TICRR: variants seen among roughly 807,000 people sequenced by gnomAD.
TICRR encodes TOPBP1 interacting checkpoint and replication regulator.
A neutral mutation model predicts 178.1 loss-of-function variants in TICRR; 132 were observed. The ratio of observed to expected loss-of-function variants is 0.74; its 90% confidence interval spans 0.64 to 0.86. TICRR has a LOEUF of 0.86. TICRR is among the 40% of genes least tolerant of loss of function. The pLI is 0.00. For missense variants in TICRR, 2,587 were observed against 2,334.3 expected, an observed-to-expected ratio of 1.11 and a Z score of -2.23; for synonymous variants, 991 against 900.7, an observed-to-expected ratio of 1.10 and a Z score of -1.79.
intron 14 of TICRR, among the ~76,000 whole-genome samples, chr15:89,607,880 C>T (rs1195047747): frequency 6.6e-6 from 1 of 151,972 alleles, no homozygotes; most frequent in East Asian, 1.9e-4. Context: ...TTTTTTCTAA[C>T]TTTGAGTCTA....
chr15:89,595,279 G>A, intron 6 of TICRR, 114 bp from the exon 7 acceptor site: 2 of 738,902 alleles, frequency 2.7e-6, no homozygotes, highest in Admixed American at 5.0e-5. Flanking sequence ...AAATCATTCT[G>A]GAGGGATATG....
chr15:89,577,055 G>A (rs1044443522), intron 1 of TICRR, among the ~76,000 whole-genome samples: 5 of 151,798 alleles, frequency 3.3e-5, no homozygotes, highest in Admixed American at 3.3e-4. Flanking sequence ...CACCATGCCT[G>A]GCTAATTTTT....
chr15:89,589,077 G>C (rs1323838488), intron 4 of TICRR, among the ~76,000 whole-genome samples: 1 of 152,132 alleles, frequency 6.6e-6, no homozygotes, highest in Non-Finnish European at 1.5e-5. Flanking sequence ...AGGGGATTTT[G>C]CTGATGAGGG....
intron 13 of TICRR, 133 bp from the exon 14 acceptor site, chr15:89,606,635 G>A (rs1963179304): frequency 2.7e-6 from 2 of 735,930 alleles, no homozygotes; most frequent in African/African-American, 3.6e-5. Flanking sequence ...CATTTCTGTT[G>A]TACATTTTAT....
At position 89,625,931 on chromosome 15, in the gene TICRR, T is replaced by C; in HGVS notation, c.5477-5T>C. 1 of 1,567,592 alleles carries C rather than the reference T, an allele frequency of 6.4e-7. No homozygotes were observed. Among genetic ancestry groups the C allele is most frequent in the Non-Finnish European group, 8.6e-7 (1 of 1,161,616 alleles). ...CGCTGCTCTTACTATGTGGGATCTC[T>C]TTAGGCTCCACCCCACCTCCCAGCT... is the stretch of plus-strand genomic sequence containing the variant. On this transcript the variant is annotated splice_polypyrimidine_tract_variant and splice_region_variant and intron_variant, in intron 20 of 21. Coordinates refer to ENST00000268138, the MANE Select transcript of TICRR (RefSeq NM_152259.4).
intron 17 of TICRR, among the ~76,000 whole-genome samples, chr15:89,619,263 T>A (rs1963385482): frequency 6.7e-6 from 1 of 149,170 alleles, no homozygotes; most frequent in Admixed American, 6.7e-5. Flanking sequence ...TCTTGCTCTG[T>A]CGCCCAGGCT....
At chr15:89,615,550 T>C (rs1313598782) in intron 15 of TICRR, among the ~76,000 whole-genome samples, 3 of 152,192 alleles carry the variant, frequency 2.0e-5, no homozygotes, top group South Asian at 2.1e-4. Flanking sequence ...CTGGAAAAGA[T>C]TTTTGACCAT....
At position 89,600,513 on chromosome 15, in the gene TICRR, G is replaced by T. The variant is rs756156763; in HGVS notation, c.2053-72G>T. 2.8e-5 allele frequency: 18 copies of T among 648,280 alleles called. No homozygotes were observed. The South Asian group carries it at 4.9e-4, about 18-fold the overall frequency. 40.2% of individuals were successfully genotyped at this position (648,280 alleles called of 1,614,324 possible). ...TTATAAGGGAATATATTTCCCTTTA[G>T]TCAACTGTGAAAGAAATTAGAAATA... is the stretch of plus-strand genomic sequence containing the variant. On this transcript the variant is annotated intron_variant, in intron 8 of 21. Coordinates refer to ENST00000268138, the MANE Select transcript of TICRR (RefSeq NM_152259.4).
chr15:89,576,529 A>G (rs953896757), intron 1 of TICRR, among the ~76,000 whole-genome samples: 1 of 152,012 alleles, frequency 6.6e-6, no homozygotes, highest in Non-Finnish European at 1.5e-5. Flanking sequence ...CAGAAAATCA[A>G]CAGGTCTGGA....
chr15:89,626,929 A>C lies in TICRR; in HGVS notation c.5603-27A>C, dbSNP rs191684922. On this transcript the variant is annotated intron_variant, in intron 21 of 21. Coordinates refer to ENST00000268138, the MANE Select transcript of TICRR (RefSeq NM_152259.4). ...CAGTTCGGTCCTCTGTGACTCCTGC[A>C]TGCTAAGCCTTTCTACCTTCTTCTA... 1.9e-6 allele frequency: 3 copies of C among 1,609,458 alleles called. No individual in the cohort carries two copies. In the East Asian group the frequency reaches 6.7e-5, roughly 36 times the overall value.
chr15:89,618,322 GCT>G lies in TICRR; in HGVS notation c.3019+115_3019+116del, dbSNP rs1963368370. ...AAGATATTTTACAGAAATTGTGATG[GCT>G]CTGAGTCCACAATGCAGCTCAGTAA... On this transcript the variant is annotated intron_variant, in intron 17 of 21. Transcript: ENST00000268138. 7.4e-6 allele frequency: 7 copies of G among 946,860 alleles called. No individual in the cohort carries two copies. The African/African-American group carries it at 1.1e-4, about 15-fold the overall frequency. 58.7% of individuals were successfully genotyped at this position (946,860 alleles called of 1,614,324 possible).
chr15:89,575,744 A>G lies in TICRR; in HGVS notation c.158A>G (p.Gln53Arg). 1 of 1,609,840 alleles carries G rather than the reference A, an allele frequency of 6.2e-7. No individual in the cohort carries two copies. The highest frequency in any genetic ancestry group is 8.5e-7 in the Non-Finnish European group (1 of 1,178,978). The change falls in exon 1 of 22, where the codon CAG (glutamine) becomes CGG (arginine). Residue 53 changes from glutamine (Q) to arginine (R), a missense_variant. Transcript: ENST00000268138. ...TGGGCCTTCAAGTTCTTTGACTCGCAGGGGGCGCGGAGCCGGCCGTCCCGC... is the reference window on the plus strand; with the variant it reads ...TGGGCCTTCAAGTTCTTTGACTCGCGGGGGGCGCGGAGCCGGCCGTCCCGC... ...VHWAFKFFDS[Q>R]GARSRPSRVS...
At chr15:89,603,673 C>T (rs764818692) in intron 13 of TICRR, among the ~76,000 whole-genome samples, 4 of 152,110 alleles carry the variant, frequency 2.6e-5, no homozygotes, top group Non-Finnish European at 5.9e-5. Context: ...GTGGAGTAGT[C>T]GCCCCTTATC....
intron 15 of TICRR, among the ~76,000 whole-genome samples, chr15:89,614,990 A>C (rs1029747126): frequency 1.3e-5 from 2 of 152,198 alleles, no homozygotes; most frequent in Non-Finnish European, 2.9e-5. Context: ...TCTCAAGTCT[A>C]TCCTCGGCAC....
intron 14 of TICRR, among the ~76,000 whole-genome samples, chr15:89,607,177 GA>G (rs1269328257): frequency 1.3e-5 from 2 of 151,938 alleles, no homozygotes; most frequent in Admixed American, 1.3e-4. Context: ...TAAATTTAGG[GA>G]AAAAAATACT....
chr15:89,624,813 G>C lies in TICRR; in HGVS notation c.4503G>C (p.Leu1501=), dbSNP rs752692194. The change falls in exon 20 of 22, where the codon CTG becomes CTC. Residue 1501 remains leucine, a synonymous_variant. Transcript: ENST00000268138. The part of the protein sequence containing the change: ...LRTADAEKSS[L]SHPGIPPSPP... ...CAGCAGATGCTGAGAAGTCTTCTCT[G>C]TCTCACCCTGGGATTCCCCCATCTC... 1 of 1,614,186 alleles carries C rather than the reference G, an allele frequency of 6.2e-7. No individual in the cohort carries two copies. The highest frequency in any genetic ancestry group is 1.3e-5 in the African/African-American group (1 of 75,048).
chr15:89,594,609 T>G (rs1200641665), intron 6 of TICRR, 55 bp downstream of exon 6: 1 of 1,428,758 alleles, frequency 7.0e-7, no homozygotes. Flanking sequence ...ACTGTATGTT[T>G]TAAAAGATGG....
At chr15:89,605,273 A>G (rs1436784417) in intron 13 of TICRR, among the ~76,000 whole-genome samples, 1 of 152,244 alleles carries the variant, frequency 6.6e-6, no homozygotes, top group African/African-American at 2.4e-5. Context: ...ATGTTTCAGT[A>G]AAAACTTTAT....
In TICRR at chr15:89,625,451, C is replaced by G; in HGVS notation, c.5141C>G (p.Ser1714Ter). ...GGTGCAGACCTTCCTGGGAGCCTGT[C>G]ACTGCTTGAGTCAGAGGGCAAGGAC... ...EVGADLPGSL[S>*]LLESEGKDHG... Residue 1714 changes from serine to a stop codon, truncating the protein, a stop_gained, in exon 20 of 22, where the codon TCA (serine) becomes TGA (stop). Transcript: ENST00000268138. LOFTEE classifies it high-confidence loss of function. The G allele has an allele frequency of 6.2e-7, 1 of 1,613,994 alleles. No homozygotes were observed. The highest frequency in any genetic ancestry group is 8.5e-7 in the Non-Finnish European group (1 of 1,180,014).
Sources: gnomAD v4.1 joint callset for allele counts (sites outside exome capture counted in the v4.1 genomes callset) on GRCh38, gnomAD v4.1.1 for gene constraint, MANE v1.5 for transcripts, NCBI Gene and HGNC (gene_info 2026-07-23, HGNC 2026-07-21) for gene names.